Variants in DLGAP1 observed in about 807,000 individuals in gnomAD.
DLGAP1 encodes disks large-associated protein 1.
In DLGAP1, 11 loss-of-function variants were observed where a neutral mutation model predicts 90.8. The ratio of observed to expected loss-of-function variants is 0.12; its 90% CI spans 0.08 to 0.20. The LOEUF is 0.20. DLGAP1 is among the 10% of genes least tolerant of loss of function. DLGAP1 has a pLI of 1.00. For missense variants in DLGAP1, 1,050 were observed against 1,333.8 expected, an observed-to-expected ratio of 0.79 and a Z score of 3.31; for synonymous variants, 558 against 540.7, an observed-to-expected ratio of 1.03 and a Z score of -0.44.
intron 7 of DLGAP1, among the ~76,000 whole-genome samples, chr18:3,659,167 C>T (rs998949458): frequency 6.6e-6 from 1 of 151,864 alleles, no homozygotes; most frequent in Non-Finnish European, 1.5e-5. Context: ...TAGTTAGATA[C>T]CTTATATTAA....
At chr18:4,308,168 G>A (rs1222590029) in intron 1 of DLGAP1, among the ~76,000 whole-genome samples, 1 of 152,154 alleles carries the variant, frequency 6.6e-6, no homozygotes, top group Non-Finnish European at 1.5e-5. Context: ...GAGGAAGACT[G>A]CTTGTCTGAT....
At chr18:4,165,968 A>C (rs1311598587) in intron 1 of DLGAP1, among the ~76,000 whole-genome samples, 2 of 152,092 alleles carry the variant, frequency 1.3e-5, no homozygotes, top group Non-Finnish European at 1.5e-5. Context: ...ACCAGCCCTG[A>C]ACAATGTAGT....
At position 4,408,468 on chromosome 18, in the gene DLGAP1, A is replaced by G. The variant is rs188092696; in HGVS notation, c.-267+46538T>C. On this transcript the variant is annotated intron_variant, in intron 1 of 12. Coordinates refer to ENST00000315677, the MANE Select transcript of DLGAP1 (RefSeq NM_004746.4). ...ACCAGAAACCATAAATGATAAACAA[A>G]CAGAAAACCAAAAAAGAATATGTCA... Among the ~76,000 whole-genome samples, 7 of 152,272 alleles carry G rather than the reference A, an allele frequency of 4.6e-5. No homozygotes were observed. The East Asian group carries it at 9.7e-4, about 21-fold the overall frequency.
chr18:4,384,013 T>C (rs1477011232), intron 1 of DLGAP1, among the ~76,000 whole-genome samples: 2 of 152,142 alleles, frequency 1.3e-5, no homozygotes, highest in Non-Finnish European at 2.9e-5. Context: ...TGTCATAAAA[T>C]GGTAAATTGA....
Position 4,336,037 on chromosome 18 carries a change from A to T in DLGAP1, c.-267+118969T>A, listed in dbSNP as rs561153797. 2.6e-4 allele frequency among the ~76,000 whole-genome samples: 39 copies of T among 152,362 alleles called. No individual in the cohort carries two copies. In the South Asian group the frequency reaches 7.7e-3, roughly 30 times the overall value. On this transcript the variant is annotated intron_variant, in intron 1 of 12. Coordinates refer to ENST00000315677, the MANE Select transcript of DLGAP1 (RefSeq NM_004746.4). ...AATACAAGCTTCAGTTTATCACACA[A>T]GAAGCAGCAAAATGCACTATCAATG...
chr18:4,132,470 T>C (rs1422743275), intron 2 of DLGAP1, among the ~76,000 whole-genome samples: 3 of 152,136 alleles, frequency 2.0e-5, no homozygotes, highest in Non-Finnish European at 4.4e-5. Flanking sequence ...CTAGGGGAAA[T>C]TACTTAACCT....
At chr18:4,256,332 C>T (rs1214782757) in intron 1 of DLGAP1, among the ~76,000 whole-genome samples, 1 of 152,072 alleles carries the variant, frequency 6.6e-6, no homozygotes, top group Non-Finnish European at 1.5e-5. Flanking sequence ...CCCAGGAGGT[C>T]GAGGTTACAG....
At position 4,271,259 on chromosome 18, in the gene DLGAP1, C is replaced by G. The variant is rs1428020659; in HGVS notation, c.-266-119972G>C. On this transcript the variant is annotated intron_variant, in intron 1 of 12. Coordinates refer to ENST00000315677, the MANE Select transcript of DLGAP1 (RefSeq NM_004746.4). Reference sequence around the variant, plus strand: ...CCCAGGACCAATATTTTTGAAGCTCCCTCCCGAAGTACTTCTAATGATTGT... The same window carrying G: ...CCCAGGACCAATATTTTTGAAGCTCGCTCCCGAAGTACTTCTAATGATTGT... Among the ~76,000 whole-genome samples, 6 of 152,064 alleles carry G rather than the reference C, an allele frequency of 3.9e-5. No homozygotes were observed. The East Asian group carries it at 1.2e-3, about 29-fold the overall frequency.
intron 2 of DLGAP1, among the ~76,000 whole-genome samples, chr18:4,047,418 G>A (rs2075070372): frequency 6.6e-6 from 1 of 152,264 alleles, no homozygotes; most frequent in East Asian, 1.9e-4. Context: ...GCGCCATCTT[G>A]CTTGCATCAT....
At chr18:4,266,873 A>G (rs1472007902) in intron 1 of DLGAP1, among the ~76,000 whole-genome samples, 1 of 152,218 alleles carries the variant, frequency 6.6e-6, no homozygotes, top group Admixed American at 6.5e-5. Flanking sequence ...AACTCATTAG[A>G]TAACATTTAC....
At chr18:4,354,729 C>A (rs1257057408) in intron 1 of DLGAP1, among the ~76,000 whole-genome samples, 3 of 151,786 alleles carry the variant, frequency 2.0e-5, no homozygotes, top group Non-Finnish European at 2.9e-5. Context: ...CTCCACACAT[C>A]CATATCTAAG....
At chr18:4,135,876 T>A (rs1034129376) in intron 2 of DLGAP1, among the ~76,000 whole-genome samples, 1 of 151,836 alleles carries the variant, frequency 6.6e-6, no homozygotes, top group African/African-American at 2.4e-5. Flanking sequence ...CTTATTATTT[T>A]TTATTATTAT....
chr18:4,404,084 T>C (rs1305847162), intron 1 of DLGAP1, among the ~76,000 whole-genome samples: 3 of 152,104 alleles, frequency 2.0e-5, no homozygotes, highest in Non-Finnish European at 4.4e-5. Flanking sequence ...GACACCAAAG[T>C]CACAGGACTT....
intron 4 of DLGAP1, among the ~76,000 whole-genome samples, chr18:3,865,136 T>C (rs2148762510): frequency 6.6e-6 from 1 of 152,288 alleles, no homozygotes; most frequent in South Asian, 2.1e-4. Flanking sequence ...TTTAATTTAA[T>C]TGGGTTTGAA....
chr18:3,741,272 A>AC (rs1348501126), intron 6 of DLGAP1, among the ~76,000 whole-genome samples: 2 of 89,282 alleles, frequency 2.2e-5, no homozygotes, highest in Non-Finnish European at 2.1e-5. Context: ...CACCACCACC[A>AC]CATCACCATC....
intron 1 of DLGAP1, among the ~76,000 whole-genome samples, chr18:4,334,110 T>C (rs1396315121): frequency 6.6e-6 from 1 of 151,326 alleles, no homozygotes; most frequent in East Asian, 2.0e-4. Context: ...TGGTGGCACA[T>C]GCCTGTAATC....
intron 1 of DLGAP1, among the ~76,000 whole-genome samples, chr18:4,229,115 A>T (rs117557234): frequency 0.017 from 2,608 of 152,148 alleles, 35 homozygotes; most frequent in Non-Finnish European, 0.024. Flanking sequence ...ATACCTAGAA[A>T]TTAACTTAAC....
intron 7 of DLGAP1, among the ~76,000 whole-genome samples, chr18:3,718,015 C>A (rs527825210): frequency 1.3e-5 from 2 of 152,286 alleles, no homozygotes; most frequent in African/African-American, 4.8e-5. Context: ...GTGAGTTTCT[C>A]GTTCTCTTTT....
At chr18:3,810,073 A>G (rs1211683988) in intron 5 of DLGAP1, among the ~76,000 whole-genome samples, 1 of 152,220 alleles carries the variant, frequency 6.6e-6, no homozygotes, top group African/African-American at 2.4e-5. Flanking sequence ...TTGTTAGCTA[A>G]TAAGTAAGGA....
Sources: gnomAD v4.1 joint callset for allele counts (sites outside exome capture counted in the v4.1 genomes callset) on GRCh38, gnomAD v4.1.1 for gene constraint, MANE v1.5 for transcripts, NCBI Gene and HGNC (gene_info 2026-07-23, HGNC 2026-07-21) for gene names.